PPFIBP2: variants seen among roughly 807,000 people sequenced by gnomAD.
PPFIBP2 encodes PPFIB scaffold protein 2, also known as liprin-beta-2.
Under a neutral mutation model 118.3 loss-of-function variants are expected in PPFIBP2, and 118 were observed. The observed-to-expected ratio is 1.00, with a 90% CI of 0.86 to 1.16. The LOEUF (loss-of-function observed/expected upper bound fraction) is 1.16, where lower values mean the gene tolerates loss of function less well. Ranked by LOEUF, PPFIBP2 falls within the 50% of genes most tolerant of loss-of-function variation. PPFIBP2 has a pLI of 0.00. For missense variants in PPFIBP2, 1,195 were observed against 1,073.1 expected (o/e 1.11, Z -1.59); for synonymous variants, 414 against 397.4 (o/e 1.04, Z -0.50).
At chr11:7,650,599 G>C (rs1565128018) in intron 21 of PPFIBP2, 1 of 308,172 alleles carries the variant, frequency 3.2e-6, no homozygotes, top group Admixed American at 4.8e-5. Context: ...AAATGATGGA[G>C]TAACAGAATT....
At chr11:7,660,303 AT>A (rs1201959733), downstream of PPFIBP2, among the ~76,000 whole-genome samples, 1 of 119,834 alleles carries the variant, frequency 8.3e-6, no homozygotes, top group African/African-American at 2.6e-5. Context: ...GATAGCTCTT[AT>A]TATTTTGAAA....
At chr11:7,586,335 C>T (rs1253771498) in intron 3 of PPFIBP2, among the ~76,000 whole-genome samples, 2 of 152,202 alleles carry the variant, frequency 1.3e-5, no homozygotes, top group African/African-American at 4.8e-5. Flanking sequence ...TGCCTTCTAA[C>T]TCATGCTTCT....
intron 3 of PPFIBP2, among the ~76,000 whole-genome samples, chr11:7,588,866 T>C (rs1858693591): frequency 6.6e-6 from 1 of 152,106 alleles, no homozygotes; most frequent in Non-Finnish European, 1.5e-5. Context: ...ATAGGAGAGG[T>C]AGTATGTTTC....
At chr11:7,523,767 G>T (rs1265126755) in intron 1 of PPFIBP2, among the ~76,000 whole-genome samples, 1 of 152,218 alleles carries the variant, frequency 6.6e-6, no homozygotes, top group Non-Finnish European at 1.5e-5. Flanking sequence ...TTCCCAGGTG[G>T]CTCTGCTTCA....
At chr11:7,649,715 C>T in intron 21 of PPFIBP2, 61 bp downstream of exon 21, 1 of 1,593,398 alleles carries the variant, frequency 6.3e-7, no homozygotes, top group South Asian at 1.1e-5. Context: ...AAACATCGAG[C>T]ATGAGCAAAC....
At chr11:7,577,273 G>A (rs899886664) in intron 3 of PPFIBP2, 7 of 194,780 alleles carry the variant, frequency 3.6e-5, no homozygotes, top group African/African-American at 9.4e-5. Flanking sequence ...TGATTTCTCC[G>A]CAGGGCTCTG....
intron 17 of PPFIBP2, among the ~76,000 whole-genome samples, chr11:7,642,869 C>T (rs1338959118): frequency 1.3e-5 from 2 of 152,196 alleles, no homozygotes; most frequent in African/African-American, 4.8e-5. Context: ...TGCAGACCTG[C>T]ATCCCCTGCG....
intron 3 of PPFIBP2, among the ~76,000 whole-genome samples, chr11:7,585,420 C>T (rs1857973965): frequency 6.6e-6 from 1 of 152,146 alleles, no homozygotes; most frequent in Non-Finnish European, 1.5e-5. Context: ...TAGCCCTTGC[C>T]CCATTTGACT....
chr11:7,585,176 T>C (rs1003768564), intron 3 of PPFIBP2, among the ~76,000 whole-genome samples: 2 of 152,208 alleles, frequency 1.3e-5, no homozygotes, highest in Non-Finnish European at 2.9e-5. Context: ...CTGGAATTTA[T>C]AGCTTATTAG....
chr11:7,608,552 A>T (rs780221811), intron 5 of PPFIBP2, among the ~76,000 whole-genome samples: 76 of 152,340 alleles, frequency 5.0e-4, no homozygotes, highest in Admixed American at 7.8e-4. Flanking sequence ...AGGCAGGAGA[A>T]TCGCTTGAAC....
At chr11:7,522,317 G>T (rs1041359449) in intron 1 of PPFIBP2, among the ~76,000 whole-genome samples, 22 of 152,330 alleles carry the variant, frequency 1.4e-4, no homozygotes, top group African/African-American at 5.1e-4. Flanking sequence ...GAAGAATGAG[G>T]CAACTGTTAG....
chr11:7,577,033 G>A (rs891211373), intron 3 of PPFIBP2: 3 of 152,964 alleles, frequency 2.0e-5, no homozygotes, highest in African/African-American at 7.2e-5. Context: ...GCAGCTGGGA[G>A]CCCTGGGTAA....
In PPFIBP2 at chr11:7,597,676, A is replaced by T. The variant is rs985754765; in HGVS notation, c.486+3A>T. The T allele has an allele frequency of 1.2e-6, 2 of 1,612,604 alleles. No individual in the cohort carries two copies. Among genetic ancestry groups the T allele is most frequent in the African/African-American group, 2.7e-5 (2 of 75,042 alleles). On this transcript the variant is annotated splice_donor_region_variant and intron_variant, in intron 5 of 23. Transcript: ENST00000299492. ...CTGCTGAAGAGATGCTTCAACAGGTAAGGGCGGGTGCACTGAAGGCCCTTG... is the reference window on the plus strand; with the variant it reads ...CTGCTGAAGAGATGCTTCAACAGGTTAGGGCGGGTGCACTGAAGGCCCTTG...
chr11:7,514,611 G>A (rs1326009553), intron 1 of PPFIBP2, among the ~76,000 whole-genome samples: 1 of 152,226 alleles, frequency 6.6e-6, no homozygotes, highest in Non-Finnish European at 1.5e-5. Context: ...CAGTTCTGTA[G>A]TGTAAGTGCA....
At position 7,519,812 on chromosome 11, in the gene PPFIBP2, G is replaced by A. The variant is rs565839596; in HGVS notation, c.-37+5691G>A. 3.9e-5 allele frequency among the ~76,000 whole-genome samples: 6 copies of A among 152,290 alleles called. No individual in the cohort carries two copies. The East Asian group carries it at 5.8e-4, about 15-fold the overall frequency. On this transcript the variant is annotated intron_variant, in intron 1 of 23. Coordinates refer to ENST00000299492, the MANE Select transcript of PPFIBP2 (RefSeq NM_003621.5). ...GATGATCAGCGAGTGCCTGGCACAC[G>A]CTGGAGCCTTTTTGGACCAACGTTG...
At chr11:7,550,378 C>T (rs747942957) in intron 2 of PPFIBP2, among the ~76,000 whole-genome samples, 12 of 152,196 alleles carry the variant, frequency 7.9e-5, no homozygotes, top group Non-Finnish European at 1.5e-4. Context: ...AGGAAGTACA[C>T]AGAGTACCTG....
chr11:7,642,786 C>T (rs12283985), intron 17 of PPFIBP2, among the ~76,000 whole-genome samples: 2,413 of 152,268 alleles, frequency 0.016, 32 homozygotes, highest in Non-Finnish European at 0.023. Context: ...ATTCAGATGT[C>T]CGTTCTCAGA....
chr11:7,622,570 TATAA>T (rs1193583543), intron 7 of PPFIBP2, among the ~76,000 whole-genome samples: 23 of 152,376 alleles, frequency 1.5e-4, no homozygotes, highest in African/African-American at 5.5e-4. Flanking sequence ...TAATCTAGTG[TATAA>T]ATATAAAATC....
At chr11:7,641,089 G>C in intron 15 of PPFIBP2, 1 of 1,260,824 alleles carries the variant, frequency 7.9e-7, no homozygotes, top group South Asian at 1.2e-5. Flanking sequence ...TCCAGGTGAG[G>C]TGGAGAGTGA....
Sources: allele counts gnomAD v4.1 joint callset (sites outside exome capture counted in the v4.1 genomes callset), GRCh38; gene constraint gnomAD v4.1.1; transcripts MANE v1.5; gene names NCBI Gene and HGNC (gene_info 2026-07-23, HGNC 2026-07-21).